Variants in HDAC9 observed in about 807,000 individuals in gnomAD.
The protein encoded by HDAC9 is MEF-2 interacting transcription repressor (MITR) protein.
A neutral mutation model predicts 139.4 loss-of-function variants in HDAC9; 41 were observed. The observed-to-expected ratio is 0.29, with a 90% CI of 0.23 to 0.38. The LOEUF is 0.38. HDAC9 is among the 10% of genes least tolerant of loss of function. The pLI, the probability that HDAC9 is intolerant of heterozygous loss-of-function variation, is 1.00. For synonymous variants in HDAC9, 517 were observed against 476.2 expected (o/e 1.09, Z -1.12); for missense variants, 1,147 against 1,297.0 (o/e 0.88, Z 1.78).
intron 2 of HDAC9, among the ~76,000 whole-genome samples, chr7:18,211,022 A>T (rs556281901): frequency 1.3e-5 from 2 of 152,316 alleles, no homozygotes; most frequent in East Asian, 3.9e-4. Flanking sequence ...AAATGCATGC[A>T]AATAGTTACC....
chr7:18,507,172 A>ATTATTC (rs1272662977), intron 2 of HDAC9, among the ~76,000 whole-genome samples: 1 of 146,470 alleles, frequency 6.8e-6, no homozygotes, highest in African/African-American at 2.5e-5. Flanking sequence ...TTCATTACAT[A>ATTATTC]TTATTATTAT....
chr7:18,943,929 T>C (rs1782195394), intron 23 of HDAC9, among the ~76,000 whole-genome samples: 1 of 152,138 alleles, frequency 6.6e-6, no homozygotes, highest in Non-Finnish European at 1.5e-5. Context: ...GTGTAGTAAC[T>C]TGATTGTCAA....
intron 12 of HDAC9, among the ~76,000 whole-genome samples, chr7:18,685,522 A>G (rs1041830586): frequency 6.6e-6 from 1 of 152,050 alleles, no homozygotes; most frequent in Non-Finnish European, 1.5e-5. Context: ...AGCTTTCTTG[A>G]CAGTTATCAG....
chr7:18,611,802 C>A (rs1161139796), intron 6 of HDAC9, among the ~76,000 whole-genome samples: 1 of 152,066 alleles, frequency 6.6e-6, no homozygotes, highest in Non-Finnish European at 1.5e-5. Flanking sequence ...AGTTCAAAAT[C>A]TTTTTAGAAA....
At chr7:18,367,365 T>C (rs1350203419) in intron 1 of HDAC9, among the ~76,000 whole-genome samples, 1 of 152,086 alleles carries the variant, frequency 6.6e-6, no homozygotes, top group African/African-American at 2.4e-5. Context: ...AAGAAGGGTA[T>C]CAGATTTTTA....
At chr7:18,333,702 C>A in intron 1 of HDAC9, among the ~76,000 whole-genome samples, 1 of 151,140 alleles carries the variant, frequency 6.6e-6, no homozygotes, top group East Asian at 1.9e-4. Flanking sequence ...ACAAAAAACC[C>A]CAGCAAATCA....
intron 2 of HDAC9, among the ~76,000 whole-genome samples, chr7:18,202,579 T>C (rs1791211717): frequency 6.6e-6 from 1 of 152,216 alleles, no homozygotes; most frequent in South Asian, 2.1e-4. Flanking sequence ...AGATACAGAA[T>C]TGCAGACTAG....
intron 15 of HDAC9, among the ~76,000 whole-genome samples, chr7:18,763,748 T>G (rs887682578): frequency 2.6e-5 from 4 of 152,122 alleles, no homozygotes; most frequent in African/African-American, 9.7e-5. Context: ...ACTCAAGCAT[T>G]TAAACATAGG....
At chr7:18,979,780 G>T (rs1407911929) in intron 25 of HDAC9, among the ~76,000 whole-genome samples, 1 of 151,880 alleles carries the variant, frequency 6.6e-6, no homozygotes, top group Admixed American at 6.6e-5. Context: ...TGGAGGGGAA[G>T]GTGCCACACA....
At chr7:18,177,589 C>T (rs1196273325) in intron 2 of HDAC9, among the ~76,000 whole-genome samples, 1 of 152,108 alleles carries the variant, frequency 6.6e-6, no homozygotes, top group Admixed American at 6.5e-5. Flanking sequence ...TCTTCAACAC[C>T]CAGCTCCTAC....
chr7:18,341,113 T>C (rs927565619), intron 1 of HDAC9, among the ~76,000 whole-genome samples: 1 of 151,578 alleles, frequency 6.6e-6, no homozygotes, highest in Admixed American at 6.6e-5. Context: ...ACTTAAAGTG[T>C]GTGTTTTCCC....
chr7:18,653,132 G>A (rs1426991804), intron 11 of HDAC9, among the ~76,000 whole-genome samples: 1 of 151,772 alleles, frequency 6.6e-6, no homozygotes, highest in East Asian at 1.9e-4. Context: ...CAGTTACTCA[G>A]GAGGCTGAGG....
intron 23 of HDAC9, among the ~76,000 whole-genome samples, chr7:18,950,141 T>G (rs892609018): frequency 6.6e-6 from 1 of 152,068 alleles, no homozygotes; most frequent in Non-Finnish European, 1.5e-5. Context: ...CTTTCAAAAT[T>G]TCATTCCATT....
intron 2 of HDAC9, among the ~76,000 whole-genome samples, chr7:18,273,486 A>G (rs1796521407): frequency 6.6e-6 from 1 of 152,194 alleles, no homozygotes; most frequent in South Asian, 2.1e-4. Context: ...GTCATTGTTG[A>G]TCAGTGGGAA....
At chr7:18,519,094 C>G (rs1164083070) in intron 2 of HDAC9, among the ~76,000 whole-genome samples, 3 of 152,082 alleles carry the variant, frequency 2.0e-5, no homozygotes, top group African/African-American at 7.2e-5. Flanking sequence ...TTTGAAGACC[C>G]TACTTCATAG....
chr7:18,840,029 A>C (rs145089636), intron 21 of HDAC9, among the ~76,000 whole-genome samples: 18 of 152,244 alleles, frequency 1.2e-4, no homozygotes, highest in Middle Eastern at 6.8e-3. Context: ...GATTTTATTT[A>C]GTAGTCCTTG....
At chr7:18,605,672 G>A (rs1472918476) in intron 6 of HDAC9, among the ~76,000 whole-genome samples, 1 of 151,874 alleles carries the variant, frequency 6.6e-6, no homozygotes, top group Admixed American at 6.6e-5. Flanking sequence ...CTGGGCCCCT[G>A]GAGTTTTGTT....
At chr7:18,479,166 C>G (rs1053588096) in intron 1 of HDAC9, among the ~76,000 whole-genome samples, 8 of 152,016 alleles carry the variant, frequency 5.3e-5, no homozygotes, top group Admixed American at 1.3e-4. Flanking sequence ...TCTTTTATGT[C>G]TCATTTAAAT....
At chr7:18,312,911 T>C (rs975228856) in intron 1 of HDAC9, among the ~76,000 whole-genome samples, 6 of 152,154 alleles carry the variant, frequency 3.9e-5, no homozygotes, top group African/African-American at 1.4e-4. Context: ...GGTATATTTC[T>C]AGAAGGAGAA....
Sources: allele counts gnomAD v4.1 joint callset (sites outside exome capture counted in the v4.1 genomes callset), GRCh38; gene constraint gnomAD v4.1.1; transcripts MANE v1.5; gene names NCBI Gene and HGNC (gene_info 2026-07-23, HGNC 2026-07-21).